STYXL1: variants seen among roughly 807,000 people sequenced by gnomAD.
STYXL1 encodes serine/threonine/tyrosine-interacting-like protein 1.
In STYXL1, 32 loss-of-function variants were observed where a neutral mutation model predicts 36.4. That is an observed-to-expected ratio of 0.88 (90% confidence interval 0.66 to 1.18). The LOEUF (loss-of-function observed/expected upper bound fraction) is 1.18, where lower values mean the gene tolerates loss of function less well. Ranked by LOEUF, STYXL1 falls within the 50% of genes most tolerant of loss-of-function variation. The pLI is 0.00. For missense variants in STYXL1, 354 were observed against 394.1 expected, an observed-to-expected ratio of 0.90 and a Z score of 0.86; for synonymous variants, 133 against 144.1, an observed-to-expected ratio of 0.92 and a Z score of 0.55.
At chr7:76,036,781 T>TA (rs1795947294) in intron 1 of STYXL1, among the ~76,000 whole-genome samples, 4 of 93,524 alleles carry the variant, frequency 4.3e-5, no homozygotes, top group Admixed American at 3.4e-4. Flanking sequence ...ACAGTATAGC[T>TA]CTTTTTTTTT....
intron 5 of STYXL1, among the ~76,000 whole-genome samples, chr7:76,013,018 C>A (rs1009601178): frequency 6.6e-6 from 1 of 152,182 alleles, no homozygotes; most frequent in Non-Finnish European, 1.5e-5. Context: ...AACCCGACAG[C>A]CATCAGTTCC....
intron 3 of STYXL1, among the ~76,000 whole-genome samples, chr7:76,023,811 G>A (rs1490522178): frequency 6.6e-6 from 1 of 151,952 alleles, no homozygotes; most frequent in South Asian, 2.1e-4. Context: ...AGGTCAGTTC[G>A]AGATCAGCCT....
chr7:76,014,477 G>A lies in STYXL1; in HGVS notation c.308-590C>T, dbSNP rs371763330. On this transcript the variant is annotated intron_variant, in intron 4 of 8. Transcript: ENST00000359697. Reference sequence around the variant, plus strand: ...CACCATCCTCCCACCTCAGCCTCCCGAGTAGCTGGGACTATAGGTGCGCAC... The same window carrying A: ...CACCATCCTCCCACCTCAGCCTCCCAAGTAGCTGGGACTATAGGTGCGCAC... Among the ~76,000 whole-genome samples, 354 of 151,360 alleles carry A rather than the reference G, an allele frequency of 2.3e-3. 3 individuals carry two copies. The highest frequency in any genetic ancestry group is 8.1e-3 in the African/African-American group (336 of 41,272).
At chr7:76,015,736 C>T (rs1445248897) in intron 4 of STYXL1, among the ~76,000 whole-genome samples, 1 of 152,202 alleles carries the variant, frequency 6.6e-6, no homozygotes, top group Non-Finnish European at 1.5e-5. Flanking sequence ...ATGCAAAGTA[C>T]TGATCCTGGG....
intron 1 of STYXL1, among the ~76,000 whole-genome samples, chr7:76,040,061 A>C (rs1344901374): frequency 1.3e-5 from 2 of 152,104 alleles, no homozygotes; most frequent in Non-Finnish European, 2.9e-5. Context: ...CCATGTCCCC[A>C]AACCTAAGCC....
At chr7:76,032,987 G>A (rs1466520247) in intron 1 of STYXL1, among the ~76,000 whole-genome samples, 3 of 152,078 alleles carry the variant, frequency 2.0e-5, no homozygotes, top group East Asian at 1.9e-4. Flanking sequence ...TGGCCTCTAC[G>A]TTAAGGATCC....
intron 1 of STYXL1, among the ~76,000 whole-genome samples, chr7:76,043,116 G>A (rs1157319111): frequency 2.6e-5 from 4 of 152,138 alleles, no homozygotes; most frequent in African/African-American, 9.7e-5. Context: ...CCAACTAGTA[G>A]CTATTTTACT....
At position 75,996,566 on chromosome 7, in the gene STYXL1, TG is replaced by T; in HGVS notation, c.843del (p.Asn281LysfsTer10). The T allele has an allele frequency of 6.2e-7, 1 of 1,614,254 alleles. No individual in the cohort carries two copies. The highest frequency in any genetic ancestry group is 8.5e-7 in the Non-Finnish European group (1 of 1,180,040). On this transcript the variant is annotated frameshift_variant, in exon 9 of 9. Coordinates refer to ENST00000359697, the MANE Select transcript of STYXL1 (RefSeq NM_001317785.2). LOFTEE classifies it high-confidence loss of function. ...RSWAYVKKCK[N>X]NMCPNRGLVS... ...ACCAATCCCCGATTTGGACACATGT[TG>T]TTTTTGCACTTCTTGACATAGGCCC...
At chr7:76,026,693 A>G (rs1217636408) in intron 3 of STYXL1, among the ~76,000 whole-genome samples, 1 of 152,228 alleles carries the variant, frequency 6.6e-6, no homozygotes, top group Non-Finnish European at 1.5e-5. Flanking sequence ...AGATGTGGAG[A>G]TCAAGGACAG....
chr7:76,030,624 T>C (rs2116310438), intron 1 of STYXL1, 97 bp from the exon 2 acceptor site: 1 of 726,234 alleles, frequency 1.4e-6, no homozygotes, highest in Non-Finnish European at 2.4e-6. Context: ...TTAACATACC[T>C]TCAAGCAAAG....
chr7:75,996,971 A>T (rs113941498), intron 8 of STYXL1, among the ~76,000 whole-genome samples: 1 of 152,342 alleles, frequency 6.6e-6, no homozygotes, highest in African/African-American at 2.4e-5. Context: ...AGAGGAAGAG[A>T]ACTGTGGGCA....
At chr7:76,030,887 G>A (rs1225582915) in intron 1 of STYXL1, among the ~76,000 whole-genome samples, 1 of 149,088 alleles carries the variant, frequency 6.7e-6, no homozygotes, top group African/African-American at 2.5e-5. Flanking sequence ...TTGGCCAAGA[G>A]TGGTGGCTCA....
intron 8 of STYXL1, among the ~76,000 whole-genome samples, chr7:75,999,959 C>T (rs1435368038): frequency 2.6e-5 from 4 of 151,862 alleles, no homozygotes; most frequent in Non-Finnish European, 5.9e-5. Flanking sequence ...GAGGAAGAAT[C>T]GTAAACCACC....
intron 4 of STYXL1, among the ~76,000 whole-genome samples, chr7:76,019,305 G>A (rs1412987259): frequency 1.4e-5 from 2 of 142,396 alleles, no homozygotes; most frequent in Admixed American, 7.1e-5. Flanking sequence ...TTTTAAATAC[G>A]TTTTTTTTAG....
chr7:76,007,011 G>A (rs1554570620), intron 5 of STYXL1, among the ~76,000 whole-genome samples: 1 of 152,128 alleles, frequency 6.6e-6, no homozygotes, highest in South Asian at 2.1e-4. Flanking sequence ...GGTTGCATCT[G>A]TACAGAACAT....
At chr7:76,016,389 A>G (rs1342428697) in intron 4 of STYXL1, among the ~76,000 whole-genome samples, 7 of 151,544 alleles carry the variant, frequency 4.6e-5, no homozygotes, top group South Asian at 2.1e-4. Context: ...GTATATACGT[A>G]TGTGTGTATA....
intron 3 of STYXL1, among the ~76,000 whole-genome samples, chr7:76,025,782 T>C (rs1452372822): frequency 1.3e-5 from 2 of 151,958 alleles, no homozygotes; most frequent in Non-Finnish European, 2.9e-5. Context: ...AGCAAGATTC[T>C]GTCTCAAAAA....
At chr7:76,041,934 G>A (rs1796508541) in intron 1 of STYXL1, among the ~76,000 whole-genome samples, 1 of 152,198 alleles carries the variant, frequency 6.6e-6, no homozygotes, top group African/African-American at 2.4e-5. Context: ...TGTTACAAGG[G>A]TGGAATTTGT....
chr7:76,026,885 A>G (rs781954221), intron 3 of STYXL1, among the ~76,000 whole-genome samples: 5 of 152,160 alleles, frequency 3.3e-5, no homozygotes, highest in Non-Finnish European at 7.4e-5. Flanking sequence ...TGTCTCTACT[A>G]AAGATACAAA....
Sources: allele counts gnomAD v4.1 joint callset (sites outside exome capture counted in the v4.1 genomes callset), GRCh38; gene constraint gnomAD v4.1.1; transcripts MANE v1.5; gene names NCBI Gene and HGNC (gene_info 2026-07-23, HGNC 2026-07-21).